The following KIAA1671 variants were observed in gnomAD, a reference collection of about 807,000 sequenced individuals.
KIAA1671 encodes the protein uncharacterized protein KIAA1671.
A neutral mutation model predicts 131.2 loss-of-function variants in KIAA1671; 52 were observed. That is an observed-to-expected ratio of 0.40 (90% CI 0.32 to 0.50). KIAA1671 has a LOEUF of 0.50. Among genes scored for constraint, KIAA1671 ranks in the 20% least tolerant of loss-of-function variants. The pLI, the probability that KIAA1671 is intolerant of heterozygous loss-of-function variation, is 0.73. For synonymous variants in KIAA1671, 1,003 were observed against 961.6 expected (o/e 1.04, Z -0.80); for missense variants, 2,360 against 2,364.2 (o/e 1.00, Z 0.04).
chr22:25,085,783 A>AGGGAGGGAGGGAGGGAGGG (rs1568946725), intron 6 of KIAA1671, among the ~76,000 whole-genome samples: 2 of 107,360 alleles, frequency 1.9e-5, no homozygotes, highest in African/African-American at 9.1e-5. Context: ...GGAAGGGAGG[A>AGGGAGGGAGGGAGGGAGGG]AGGGAGGGAG....
chr22:25,052,882 G>A (rs895302158), intron 6 of KIAA1671: 1 of 152,016 alleles, frequency 6.6e-6, no homozygotes, highest in African/African-American at 2.4e-5. Context: ...ACACCAGGCT[G>A]ATTTTTGTAT....
At chr22:25,093,706 C>T (rs1930138173) in intron 6 of KIAA1671, among the ~76,000 whole-genome samples, 1 of 115,936 alleles carries the variant, frequency 8.6e-6, no homozygotes, top group African/African-American at 6.0e-5. Flanking sequence ...CACACACACA[C>T]ACACACACAC....
At position 25,162,647 on chromosome 22, in the gene KIAA1671, C is replaced by A. The variant is rs150523924; in HGVS notation, c.4531-8173C>A. 4.3e-3 allele frequency among the ~76,000 whole-genome samples: 656 copies of A among 152,276 alleles called. 2 individuals are homozygous for A. Among genetic ancestry groups the A allele is most frequent in the Non-Finnish European group, 6.3e-3 (427 of 68,028 alleles). On this transcript the variant is annotated intron_variant, in intron 6 of 12. Coordinates refer to ENST00000358431, the MANE Select transcript of KIAA1671 (RefSeq NM_001145206.2). ...TAGAGGTGAGGTGTTGTTCTAAGTG[C>A]TGGGGTACTGTGATGAATGAAAGAG...
intron 6 of KIAA1671, among the ~76,000 whole-genome samples, chr22:25,128,842 A>G (rs1182648199): frequency 6.6e-6 from 1 of 152,236 alleles, no homozygotes; most frequent in Non-Finnish European, 1.5e-5. Flanking sequence ...TTAATATAAT[A>G]CAAGGCTTCT....
intron 6 of KIAA1671, chr22:25,063,887 A>G (rs1015599366): frequency 6.6e-6 from 1 of 152,288 alleles, no homozygotes; most frequent in African/African-American, 2.4e-5. Context: ...TGTTTCCTCA[A>G]CTGTAAACAT....
intron 6 of KIAA1671, among the ~76,000 whole-genome samples, chr22:25,099,014 G>T (rs1930520812): frequency 6.6e-6 from 1 of 152,168 alleles, no homozygotes; most frequent in South Asian, 2.1e-4. Context: ...GAGAGGTGGG[G>T]GCTGCACAGC....
At chr22:25,103,433 A>G (rs545403879) in intron 6 of KIAA1671, among the ~76,000 whole-genome samples, 1 of 152,202 alleles carries the variant, frequency 6.6e-6, no homozygotes, top group South Asian at 2.1e-4. Flanking sequence ...ATCTCAGCTC[A>G]CTGCAAGCTC....
Position 25,041,367 on chromosome 22 carries a change from G to T in KIAA1671, c.4237G>T (p.Gly1413Trp), listed in dbSNP as rs1174377124. The change falls in exon 5 of 13, where the codon GGG becomes TGG. Residue 1413 changes from glycine (G) to tryptophan (W), a missense_variant. Gly to Trp is a radical substitution (Grantham distance 184). Transcript: ENST00000358431. ...LDIKRAYSEK[G>W]PPANIREGLS... Reference sequence around the variant, plus strand: ...TATCAAGAGGGCCTACTCAGAGAAGGGGCCCCCTGCCAACATCCGAGAGGG... The same window carrying T: ...TATCAAGAGGGCCTACTCAGAGAAGTGGCCCCCTGCCAACATCCGAGAGGG... The T allele has an allele frequency of 1.3e-6, 2 of 1,551,706 alleles. No homozygotes were observed. Among genetic ancestry groups the T allele is most frequent in the Non-Finnish European group, 1.7e-6 (2 of 1,146,986 alleles).
chr22:24,974,231 C>T (rs549479807), intron 1 of KIAA1671, among the ~76,000 whole-genome samples: 10 of 152,162 alleles, frequency 6.6e-5, no homozygotes, highest in Non-Finnish European at 1.3e-4. Flanking sequence ...AGGTTTCCAG[C>T]CTGACTTTTC....
At position 25,001,237 on chromosome 22, in the gene KIAA1671, ATG is replaced by A. The variant is rs138205947; in HGVS notation, c.-207-24382_-207-24381del. 6.4e-3 allele frequency among the ~76,000 whole-genome samples: 719 copies of A among 112,752 alleles called. 1 individual carries two copies. The highest frequency in any genetic ancestry group is 0.019 in the African/African-American group (631 of 33,298). 74.0% of individuals were successfully genotyped at this position (112,752 alleles called of 152,430 possible). ...TGTGTATATATGTATGTGTGTGTAT[ATG>A]TGTGTGTGTGTGTATGTGTGTGTAT... On this transcript the variant is annotated intron_variant, in intron 1 of 12. Transcript: ENST00000358431.
At chr22:25,182,422 C>G (rs1265658786) in intron 10 of KIAA1671, among the ~76,000 whole-genome samples, 1 of 147,750 alleles carries the variant, frequency 6.8e-6, no homozygotes, top group Admixed American at 6.8e-5. Context: ...CTTTTTTATC[C>G]TTCTTTTTTT....
At chr22:25,138,253 T>G (rs2038433498) in intron 6 of KIAA1671, among the ~76,000 whole-genome samples, 1 of 152,246 alleles carries the variant, frequency 6.6e-6, no homozygotes, top group South Asian at 2.1e-4. Flanking sequence ...AACAGCCGGC[T>G]GCATGGCTGA....
At chr22:25,061,718 C>G (rs1045773662) in intron 6 of KIAA1671, 5 of 152,282 alleles carry the variant, frequency 3.3e-5, no homozygotes, top group Admixed American at 3.3e-4. Context: ...GGGATTTGAA[C>G]CCCAGGCCTA....
intron 6 of KIAA1671, among the ~76,000 whole-genome samples, chr22:25,146,014 A>G (rs1489505824): frequency 6.6e-6 from 1 of 152,084 alleles, no homozygotes; most frequent in Non-Finnish European, 1.5e-5. Flanking sequence ...GGCAGTGTGC[A>G]TGAGTGTGCA....
intron 1 of KIAA1671, among the ~76,000 whole-genome samples, chr22:25,001,244 T>C (rs1309296781): frequency 1.4e-5 from 2 of 144,394 alleles, no homozygotes; most frequent in African/African-American, 4.9e-5. Flanking sequence ...TATATGTGTG[T>C]GTGTGTGTAT....
In KIAA1671 at chr22:25,028,335, C is replaced by T. The variant is rs1926071259; in HGVS notation, c.336C>T (p.Gly112=). 1.9e-6 allele frequency: 3 copies of T among 1,550,724 alleles called. No homozygotes were observed. Among genetic ancestry groups the T allele is most frequent in the Non-Finnish European group, 2.6e-6 (3 of 1,146,986 alleles). Residue 112 remains glycine (G), a synonymous_variant, in exon 3 of 13, where the codon GGC becomes GGT. Transcript: ENST00000358431. ...AGGATCTGGACAACAGGATGCCCGG[C>T]TTGGTGGGGCAGGAGGTGGGCAGTG... ...AAKDLDNRMP[G]LVGQEVGSGE... is the part of the protein sequence containing the mutation.
intron 6 of KIAA1671, among the ~76,000 whole-genome samples, chr22:25,115,554 G>T (rs1458186300): frequency 6.6e-6 from 1 of 152,178 alleles, no homozygotes; most frequent in Non-Finnish European, 1.5e-5. Context: ...CATGCAGGAG[G>T]TGCTGAATAA....
intron 6 of KIAA1671, among the ~76,000 whole-genome samples, chr22:25,098,841 A>G (rs1930512758): frequency 6.6e-6 from 1 of 152,174 alleles, no homozygotes; most frequent in South Asian, 2.1e-4. Context: ...CCACCCCAGC[A>G]TGGCTCCTGG....
intron 2 of KIAA1671, among the ~76,000 whole-genome samples, chr22:25,027,666 C>G (rs771371468): frequency 9.9e-5 from 15 of 152,164 alleles, no homozygotes; most frequent in Non-Finnish European, 2.9e-5. Flanking sequence ...GTGCTGGCCT[C>G]TAGATTAGCT....
Sources: allele counts gnomAD v4.1 joint callset (sites outside exome capture counted in the v4.1 genomes callset), GRCh38; gene constraint gnomAD v4.1.1; transcripts MANE v1.5; gene names NCBI Gene and HGNC (gene_info 2026-07-23, HGNC 2026-07-21).